Variants in AVEN observed in about 807,000 individuals in gnomAD.
AVEN encodes apoptosis and caspase activation inhibitor, also known as cell death regulator Aven.
AVEN carries 41 observed loss-of-function variants against 38.1 expected under a neutral mutation model. The ratio of observed to expected loss-of-function variants is 1.08; its 90% CI spans 0.84 to 1.40. The LOEUF (loss-of-function observed/expected upper bound fraction) is 1.40, where lower values mean the gene tolerates loss of function less well. Ranked by LOEUF, AVEN falls within the 40% of genes most tolerant of loss-of-function variation. The pLI, the probability that AVEN is intolerant of heterozygous loss-of-function variation, is 0.00. For missense variants in AVEN, 605 were observed against 438.8 expected, an observed-to-expected ratio of 1.38 and a Z score of -3.38; for synonymous variants, 206 against 171.8, an observed-to-expected ratio of 1.20 and a Z score of -1.56.
chr15:34,009,605 T>A (rs996273496), intron 1 of AVEN, among the ~76,000 whole-genome samples: 19 of 152,254 alleles, frequency 1.2e-4, no homozygotes, highest in African/African-American at 4.6e-4. Context: ...CATGACTACA[T>A]AAATATCAGA....
At chr15:33,858,035 C>G, downstream of AVEN, 1 of 1,274,264 alleles carries the variant, frequency 7.8e-7, no homozygotes, top group Non-Finnish European at 1.1e-6. Context: ...AGTTACAGAG[C>G]ACAGCAGAGA....
intron 2 of AVEN, among the ~76,000 whole-genome samples, chr15:33,901,049 G>A (rs973233525): frequency 2.0e-5 from 3 of 152,142 alleles, no homozygotes; most frequent in South Asian, 4.1e-4. Flanking sequence ...GGCACATCAC[G>A]AGGTCAGGAG....
chr15:34,033,106 A>T (rs1301189685), intron 1 of AVEN, among the ~76,000 whole-genome samples: 3 of 152,210 alleles, frequency 2.0e-5, no homozygotes, highest in Non-Finnish European at 2.9e-5. Flanking sequence ...AAAAGAATTG[A>T]CACTGAATCC....
At chr15:34,074,975 G>A (rs557330534) in exon 1 of AVEN, among the ~76,000 whole-genome samples, 1 of 152,108 alleles carries the variant, frequency 6.6e-6, no homozygotes, top group South Asian at 2.1e-4. Flanking sequence ...TCAGGAGATC[G>A]AGACCATCCT....
chr15:33,877,851 A>T (rs927118196), intron 2 of AVEN, among the ~76,000 whole-genome samples: 1 of 152,236 alleles, frequency 6.6e-6, no homozygotes, highest in African/African-American at 2.4e-5. Flanking sequence ...CAGGAGGCTG[A>T]GGCAGGAGAA....
chr15:33,964,447 T>C (rs1470323879), intron 2 of AVEN, among the ~76,000 whole-genome samples: 3 of 152,188 alleles, frequency 2.0e-5, no homozygotes. Flanking sequence ...AAGATTCATT[T>C]AAAGTGTCTA....
At position 33,949,052 on chromosome 15, in the gene AVEN, T is replaced by C. The variant is rs1176498793; in HGVS notation, c.445+53980A>G. Among the ~76,000 whole-genome samples the C allele has an allele frequency of 2.6e-5, 4 of 151,424 alleles. No individual in the cohort carries two copies. In the East Asian group the frequency reaches 7.9e-4, roughly 30 times the overall value. ...GTTCTTCTTTTTTTGAGACGGAGTT[T>C]TGCCCTTGTTGCCCAGGCTAGAGTG... On this transcript the variant is annotated intron_variant, in intron 2 of 5. Coordinates refer to ENST00000306730, the MANE Select transcript of AVEN (RefSeq NM_020371.3).
intron 5 of AVEN, among the ~76,000 whole-genome samples, chr15:34,058,938 C>G (rs1234331613): frequency 6.6e-6 from 1 of 152,108 alleles, no homozygotes; most frequent in Non-Finnish European, 1.5e-5. Context: ...ACTCTGTCGC[C>G]CAGGCTGGAA....
chr15:33,858,023 T>A, downstream of AVEN: 1 of 1,392,364 alleles, frequency 7.2e-7, no homozygotes, highest in Admixed American at 2.1e-5. Flanking sequence ...AACTGTAGAG[T>A]TAGTTACAGA....
In AVEN at chr15:34,057,503, G is replaced by A. The variant is rs367975258; in HGVS notation, n.1637+5419C>T. Among the ~76,000 whole-genome samples, 5 of 152,226 alleles carry A rather than the reference G, an allele frequency of 3.3e-5. No homozygotes were observed. The East Asian group carries it at 9.7e-4, about 29-fold the overall frequency. ...TACTTTGTAGTGAACATTCCCTTGT[G>A]TCAGGCACTGGCTGAATACAACATG... On this transcript the variant is annotated intron_variant and non_coding_transcript_variant, in intron 5 of 11. Coordinates refer to the AVEN transcript ENST00000675287.
chr15:34,018,658 C>T (rs1898064109), intron 1 of AVEN, among the ~76,000 whole-genome samples: 1 of 152,200 alleles, frequency 6.6e-6, no homozygotes, highest in African/African-American at 2.4e-5. Flanking sequence ...AAAGCTTCCA[C>T]AGAATGGAAA....
intron 2 of AVEN, among the ~76,000 whole-genome samples, chr15:33,907,818 A>C (rs2153044723): frequency 6.6e-6 from 1 of 152,206 alleles, no homozygotes; most frequent in East Asian, 1.9e-4. Flanking sequence ...TATGGAGTAA[A>C]GATTTCAACA....
downstream of AVEN, chr15:33,854,652 C>A: frequency 7.3e-7 from 1 of 1,370,128 alleles, no homozygotes; most frequent in Non-Finnish European, 1.0e-6. Flanking sequence ...CACAGCACCT[C>A]AGCACCTAAA....
intron 1 of AVEN, among the ~76,000 whole-genome samples, chr15:34,022,684 T>A (rs751778749): frequency 4.6e-5 from 7 of 152,208 alleles, no homozygotes; most frequent in Non-Finnish European, 7.3e-5. Flanking sequence ...TATGAGATTA[T>A]CTCTCTGCTT....
In AVEN at chr15:34,039,084, A is replaced by G; in HGVS notation, c.-38T>C. ...GGCGGTGCTGAGCGCGCGGGAGCCG[A>G]GCTGCGGCGGAGACGCCCTGGCCCC... On this transcript the variant is annotated 5_prime_UTR_variant, in exon 1 of 6. Transcript: ENST00000306730. 9.3e-7 allele frequency: 1 copy of G among 1,078,936 alleles called. No homozygotes were observed. The allele number at this position is 1,078,936 out of a possible 1,614,324, so 66.8% of individuals were successfully genotyped here. A position where few individuals can be genotyped will look rare whatever the true frequency, so the allele number is the denominator to read the frequency against.
chr15:33,899,560 C>T (rs569907934), intron 2 of AVEN, among the ~76,000 whole-genome samples: 1 of 146,520 alleles, frequency 6.8e-6, no homozygotes, highest in Non-Finnish European at 1.5e-5. Flanking sequence ...ACCTCCGCCT[C>T]CCGGGTTCAT....
At chr15:33,965,216 C>G (rs1228273243) in intron 2 of AVEN, among the ~76,000 whole-genome samples, 4 of 152,144 alleles carry the variant, frequency 2.6e-5, no homozygotes, top group Non-Finnish European at 5.9e-5. Context: ...CGTAAGTCAA[C>G]AAAGGTTTGA....
At chr15:34,038,655 G>A (rs1426899490) in intron 1 of AVEN, 125 bp downstream of exon 1, 13 of 898,088 alleles carry the variant, frequency 1.4e-5, no homozygotes, top group Non-Finnish European at 1.6e-5. Flanking sequence ...GTCCCGCGCA[G>A]GCGCCGGCGC....
intron 1 of AVEN, among the ~76,000 whole-genome samples, chr15:34,013,458 T>C (rs80142722): frequency 0.014 from 2,134 of 152,334 alleles, 56 homozygotes; most frequent in African/African-American, 0.045. Flanking sequence ...GTGGCACTTA[T>C]TGTTACATTT....
Sources: gnomAD v4.1 joint callset for allele counts (sites outside exome capture counted in the v4.1 genomes callset) on GRCh38, gnomAD v4.1.1 for gene constraint, MANE v1.5 for transcripts, NCBI Gene and HGNC (gene_info 2026-07-23, HGNC 2026-07-21) for gene names.